The following ADIPOR2 variants were observed in gnomAD, a reference collection of about 807,000 sequenced individuals.
ADIPOR2 encodes adiponectin receptor protein 2.
ADIPOR2 carries 18 observed loss-of-function variants against 40.9 expected under a neutral mutation model. The ratio of observed to expected loss-of-function variants is 0.44; its 90% CI spans 0.30 to 0.65. The LOEUF (loss-of-function observed/expected upper bound fraction) is 0.65. Among genes scored for constraint, ADIPOR2 ranks in the 30% least tolerant of loss-of-function variants. The pLI is 0.09. For missense variants in ADIPOR2, 283 were observed against 479.2 expected, an observed-to-expected ratio of 0.59 and a Z score of 3.82; for synonymous variants, 165 against 166.4, an observed-to-expected ratio of 0.99 and a Z score of 0.06.
intron 1 of ADIPOR2, among the ~76,000 whole-genome samples, chr12:1,721,087 C>A (rs369038733): frequency 6.6e-6 from 1 of 152,070 alleles, no homozygotes; most frequent in East Asian, 1.9e-4. Flanking sequence ...ATCGGTGTCT[C>A]AAGTCTCCCC....
At chr12:1,741,057 TAGTG>T (rs2094741817) in intron 1 of ADIPOR2, among the ~76,000 whole-genome samples, 1 of 152,126 alleles carries the variant, frequency 6.6e-6, no homozygotes, top group Non-Finnish European at 1.5e-5. Context: ...TTCAAAAGAA[TAGTG>T]AGTCAATTAG....
chr12:1,711,219 T>C (rs1353790067), intron 1 of ADIPOR2, among the ~76,000 whole-genome samples: 1 of 152,120 alleles, frequency 6.6e-6, no homozygotes. Flanking sequence ...AAGGATAGAT[T>C]TTGTTATTTC....
At chr12:1,708,806 G>A (rs570358284) in intron 1 of ADIPOR2, among the ~76,000 whole-genome samples, 6 of 151,496 alleles carry the variant, frequency 4.0e-5, no homozygotes, top group Middle Eastern at 3.4e-3. Flanking sequence ...TGCAACATCC[G>A]CCTCCCAGGT....
chr12:1,781,125 T>C (rs1862710103), intron 6 of ADIPOR2, 49 bp downstream of exon 6: 1 of 1,465,886 alleles, frequency 6.8e-7, no homozygotes, highest in Non-Finnish European at 9.1e-7. Context: ...ATTCACTAGT[T>C]AAATTCACTA....
chr12:1,723,688 A>T (rs1441450091), intron 1 of ADIPOR2, among the ~76,000 whole-genome samples: 1 of 152,026 alleles, frequency 6.6e-6, no homozygotes. Flanking sequence ...AGTGGAAGTA[A>T]TTTTAAAAAA....
chr12:1,710,383 A>T (rs530228275), intron 1 of ADIPOR2, among the ~76,000 whole-genome samples: 39 of 152,254 alleles, frequency 2.6e-4, no homozygotes, highest in African/African-American at 9.4e-4. Context: ...TCATTCTTGA[A>T]GTTAGCGAGA....
chr12:1,716,706 A>G (rs186374519), intron 1 of ADIPOR2, among the ~76,000 whole-genome samples: 264 of 152,216 alleles, frequency 1.7e-3, no homozygotes, highest in Non-Finnish European at 3.0e-3. Context: ...CCTGAATTAC[A>G]TTTTCGGTAT....
chr12:1,776,766 G>T (rs1344651808), intron 3 of ADIPOR2, among the ~76,000 whole-genome samples: 1 of 152,202 alleles, frequency 6.6e-6, no homozygotes, highest in African/African-American at 2.4e-5. Context: ...TCTGCAGCAT[G>T]AGAAGGAAGA....
intron 2 of ADIPOR2, among the ~76,000 whole-genome samples, chr12:1,763,117 A>AGGT (rs1243397235): frequency 3.3e-5 from 5 of 152,104 alleles, no homozygotes; most frequent in Admixed American, 6.5e-5. Flanking sequence ...GGTGTTGGAG[A>AGGT]GGTTAGTCTC....
intron 2 of ADIPOR2, among the ~76,000 whole-genome samples, chr12:1,767,804 G>A (rs1565654743): frequency 6.6e-6 from 1 of 152,160 alleles, no homozygotes; most frequent in Non-Finnish European, 1.5e-5. Context: ...GCCCTGTTCT[G>A]AGTTTGTGAT....
intron 1 of ADIPOR2, among the ~76,000 whole-genome samples, chr12:1,702,573 T>C (rs1296571615): frequency 1.3e-5 from 2 of 152,102 alleles, no homozygotes; most frequent in Non-Finnish European, 1.5e-5. Flanking sequence ...GTTAGATGAC[T>C]ATTCAAGTGT....
At chr12:1,696,113 T>G (rs889008583) in intron 1 of ADIPOR2, 1 of 156,586 alleles carries the variant, frequency 6.4e-6, no homozygotes. Context: ...TTAGAAAAAA[T>G]TACTTGCTCC....
Position 1,698,206 on chromosome 12 carries a change from TTGTGTGTGTGTGTGTGTGTGTG to T in ADIPOR2, c.-87+7027_-87+7048del, listed in dbSNP as rs35927419. On this transcript the variant is annotated intron_variant, in intron 1 of 7. Transcript: ENST00000357103. Reference sequence around the variant, plus strand: ...CAGCAGGTGGTGCTGTCTTGGCTGATTGTGTGTGTGTGTGTGTGTGTGTGTGTGTGTGTATTTTATTTAATTT... The same window carrying T: ...CAGCAGGTGGTGCTGTCTTGGCTGATTGTGTGTGTGTATTTTATTTAATTT... Among the ~76,000 whole-genome samples, 3 of 148,212 alleles carry T rather than the reference TTGTGTGTGTGTGTGTGTGTGTG, an allele frequency of 2.0e-5. No individual in the cohort carries two copies. The East Asian group carries it at 6.0e-4, about 29-fold the overall frequency.
At chr12:1,757,496 G>A in intron 2 of ADIPOR2, 1 of 754,924 alleles carries the variant, frequency 1.3e-6, no homozygotes, top group South Asian at 1.5e-5. Flanking sequence ...GGTTACCATT[G>A]TCAAACTTGA....
chr12:1,755,142 C>A (rs1479284244), intron 2 of ADIPOR2, among the ~76,000 whole-genome samples: 1 of 102,762 alleles, frequency 9.7e-6, no homozygotes, highest in African/African-American at 2.9e-5. Flanking sequence ...TGCAGTGGTG[C>A]GATCTCAGCT....
Position 1,787,293 on chromosome 12 carries a change from A to G in ADIPOR2, c.*1221A>G, listed in dbSNP as rs992598719. 6.6e-6 allele frequency: 1 copy of G among 152,194 alleles called. No individual in the cohort carries two copies. The highest frequency in any genetic ancestry group is 1.5e-5 in the Non-Finnish European group (1 of 68,026). The allele number at this position is 152,194 out of a possible 1,614,324, so 9.4% of individuals were successfully genotyped here. ...AGACCCTTCCTTTGGATTAGGAAAG[A>G]TGAGTTTTACCTCTGGTACACTGTC... On this transcript the variant is annotated 3_prime_UTR_variant, in exon 8 of 8. Transcript: ENST00000357103.
At chr12:1,731,890 C>A (rs905276807) in intron 1 of ADIPOR2, among the ~76,000 whole-genome samples, 1 of 152,116 alleles carries the variant, frequency 6.6e-6, no homozygotes, top group East Asian at 1.9e-4. Context: ...CGGGAACCCG[C>A]GGGGCAGAGG....
intron 1 of ADIPOR2, among the ~76,000 whole-genome samples, chr12:1,723,367 T>C (rs1299259056): frequency 6.6e-6 from 1 of 151,024 alleles, no homozygotes; most frequent in Non-Finnish European, 1.5e-5. Flanking sequence ...CAGTGGCTCA[T>C]GCCTGTAATC....
chr12:1,734,998 C>T (rs1438706010), intron 1 of ADIPOR2, among the ~76,000 whole-genome samples: 1 of 152,126 alleles, frequency 6.6e-6, no homozygotes, highest in Non-Finnish European at 1.5e-5. Context: ...GTTACTGTAG[C>T]CTTGTAGTAC....
Sources: gnomAD v4.1 joint callset for allele counts (sites outside exome capture counted in the v4.1 genomes callset) on GRCh38, gnomAD v4.1.1 for gene constraint, MANE v1.5 for transcripts, NCBI Gene and HGNC (gene_info 2026-07-23, HGNC 2026-07-21) for gene names.